RAD51B: variants seen among roughly 807,000 people sequenced by gnomAD.
The protein encoded by RAD51B is RAD51 paralog B, also known as DNA repair protein RAD51 homolog 2.
RAD51B carries 38 observed loss-of-function variants against 42.2 expected under a neutral mutation model. That is an observed-to-expected ratio of 0.90 (90% CI 0.70 to 1.18). RAD51B has a LOEUF of 1.18. Ranked by LOEUF, RAD51B falls within the 50% of genes most tolerant of loss-of-function variation. The probability of loss-of-function intolerance (pLI) is 0.00; values close to 1 mark genes in which losing one functional copy is unlikely to be tolerated. For synonymous variants in RAD51B, 154 were observed against 145.2 expected, an observed-to-expected ratio of 1.06 and a Z score of -0.43; for missense variants, 373 against 400.7, an observed-to-expected ratio of 0.93 and a Z score of 0.59.
At chr14:68,212,591 A>C (rs1375973597) in intron 7 of RAD51B, among the ~76,000 whole-genome samples, 1 of 152,224 alleles carries the variant, frequency 6.6e-6, no homozygotes, top group Non-Finnish European at 1.5e-5. Flanking sequence ...TTGCCAGTGT[A>C]ATCACATCAT....
rs562864647 is a variant in RAD51B, at chr14:68,199,578, A to G, written c.757-92306A>G. On this transcript the variant is annotated intron_variant, in intron 7 of 10. Coordinates refer to ENST00000471583, the MANE Select transcript of RAD51B (RefSeq NM_133510.4). ...TCAGACTCCAGTGAATACCACAAACAGTTATTTGCTTTAGGTTCAGGAAAT... is the reference window on the plus strand; with the variant it reads ...TCAGACTCCAGTGAATACCACAAACGGTTATTTGCTTTAGGTTCAGGAAAT... 7.2e-5 allele frequency among the ~76,000 whole-genome samples: 11 copies of G among 152,348 alleles called. 1 individual carries two copies. The South Asian group carries it at 2.3e-3, about 32-fold the overall frequency.
intron 8 of RAD51B, among the ~76,000 whole-genome samples, chr14:68,306,429 A>G (rs1432886365): frequency 6.6e-6 from 1 of 152,226 alleles, no homozygotes; most frequent in Non-Finnish European, 1.5e-5. Flanking sequence ...TCATATTTGT[A>G]AGAAATCATT....
chr14:68,330,553 C>T (rs2082328026), intron 8 of RAD51B, among the ~76,000 whole-genome samples: 1 of 152,098 alleles, frequency 6.6e-6, no homozygotes, highest in Non-Finnish European at 1.5e-5. Context: ...GAACCACTTG[C>T]TGTATGTCTT....
At chr14:68,499,259 A>G (rs1032808863) in intron 10 of RAD51B, among the ~76,000 whole-genome samples, 1 of 152,200 alleles carries the variant, frequency 6.6e-6, no homozygotes, top group Non-Finnish European at 1.5e-5. Flanking sequence ...TGAGTCCCCC[A>G]TTGGATGCAA....
At chr14:67,943,737 A>G (rs1022464782) in intron 7 of RAD51B, among the ~76,000 whole-genome samples, 2 of 152,154 alleles carry the variant, frequency 1.3e-5, no homozygotes, top group Admixed American at 6.5e-5. Flanking sequence ...AAAGTTTGTT[A>G]TTATTATGAC....
chr14:67,894,376 TCC>T (rs2043336067), intron 7 of RAD51B, among the ~76,000 whole-genome samples: 1 of 152,190 alleles, frequency 6.6e-6, no homozygotes, highest in South Asian at 2.1e-4. Flanking sequence ...GCCTGAACCC[TCC>T]TTTATCTGGT....
chr14:68,206,951 G>A (rs988866450), intron 7 of RAD51B, among the ~76,000 whole-genome samples: 2 of 151,912 alleles, frequency 1.3e-5, no homozygotes, highest in African/African-American at 2.4e-5. Flanking sequence ...CAACGCGCCC[G>A]GCTAATTTTT....
chr14:67,938,251 G>A (rs1424987396), intron 7 of RAD51B, among the ~76,000 whole-genome samples: 1 of 152,162 alleles, frequency 6.6e-6, no homozygotes, highest in African/African-American at 2.4e-5. Flanking sequence ...TTATGTTGAT[G>A]TCTTGTGACT....
chr14:68,613,661 A>G (rs28690801), downstream of RAD51B, among the ~76,000 whole-genome samples: 3,142 of 151,894 alleles, frequency 0.021, 88 homozygotes, highest in African/African-American at 0.068. Flanking sequence ...TCACCGTGTT[A>G]GCCAGGATGG....
chr14:68,486,875 A>G (rs745993269), intron 10 of RAD51B, among the ~76,000 whole-genome samples: 9 of 152,190 alleles, frequency 5.9e-5, no homozygotes, highest in Admixed American at 2.0e-4. Flanking sequence ...AGAATTCTTT[A>G]GTGGCATCTC....
intron 7 of RAD51B, among the ~76,000 whole-genome samples, chr14:68,156,518 G>A (rs1485777181): frequency 7.8e-6 from 1 of 128,398 alleles, no homozygotes; most frequent in East Asian, 2.5e-4. Context: ...ACTGACAGTA[G>A]CATATCTTGC....
At chr14:68,620,544 T>G (rs1304783994) in intron 10 of RAD51B, among the ~76,000 whole-genome samples, 1 of 152,176 alleles carries the variant, frequency 6.6e-6, no homozygotes, top group Non-Finnish European at 1.5e-5. Context: ...CTGGCCCCAG[T>G]GAACTATTCC....
intron 10 of RAD51B, among the ~76,000 whole-genome samples, chr14:68,490,312 A>G (rs563478711): frequency 6.6e-6 from 1 of 152,322 alleles, no homozygotes; most frequent in Admixed American, 6.5e-5. Flanking sequence ...ATTTCTAGAG[A>G]GACTTTCAAT....
Position 68,548,980 on chromosome 14 carries a change from T to C in RAD51B, c.1037-45505T>C, listed in dbSNP as rs1203199135. Among the ~76,000 whole-genome samples the C allele has an allele frequency of 4.6e-5, 7 of 152,092 alleles. No homozygotes were observed. In the East Asian group the frequency reaches 1.3e-3, roughly 29 times the overall value. On this transcript the variant is annotated intron_variant, in intron 10 of 10. Transcript: ENST00000487270. ...CCCCTTTGTTGAATAAAGACCTAAT[T>C]TGCATTTGATTACAGGACCCCTGAG...
chr14:68,477,410 C>T (rs1299773855), intron 10 of RAD51B, among the ~76,000 whole-genome samples: 2 of 152,092 alleles, frequency 1.3e-5, no homozygotes, highest in Admixed American at 6.5e-5. Context: ...CCCAGTGCAG[C>T]GACACTCCCC....
At chr14:68,050,726 C>A (rs898918294) in intron 7 of RAD51B, among the ~76,000 whole-genome samples, 5 of 152,088 alleles carry the variant, frequency 3.3e-5, no homozygotes, top group East Asian at 1.9e-4. Context: ...CTCTCCCCAC[C>A]ATCTCTTAAC....
chr14:68,228,208 A>G (rs1310929180), intron 7 of RAD51B, among the ~76,000 whole-genome samples: 1 of 152,076 alleles, frequency 6.6e-6, no homozygotes, highest in Non-Finnish European at 1.5e-5. Context: ...CTTCCTTACC[A>G]TCTGAGATGG....
chr14:68,245,100 T>A (rs918733089), intron 7 of RAD51B, among the ~76,000 whole-genome samples: 1 of 152,136 alleles, frequency 6.6e-6, no homozygotes, highest in Non-Finnish European at 1.5e-5. Context: ...GTCTCCTCCA[T>A]CTCCTCCAGA....
At chr14:68,183,998 C>G (rs970042141) in intron 7 of RAD51B, among the ~76,000 whole-genome samples, 3 of 147,592 alleles carry the variant, frequency 2.0e-5, no homozygotes, top group Non-Finnish European at 4.4e-5. Flanking sequence ...GGGGGTGAGG[C>G]AGGAGAATGG....
Sources: gnomAD v4.1 joint callset for allele counts (sites outside exome capture counted in the v4.1 genomes callset) on GRCh38, gnomAD v4.1.1 for gene constraint, MANE v1.5 for transcripts, NCBI Gene and HGNC (gene_info 2026-07-23, HGNC 2026-07-21) for gene names.